RPTOR: variants seen among roughly 807,000 people sequenced by gnomAD.
The protein encoded by RPTOR is regulatory associated protein of MTOR complex 1, also known as regulatory-associated protein of mTOR.
A neutral mutation model predicts 169.9 loss-of-function variants in RPTOR; 21 were observed. The ratio of observed to expected loss-of-function variants is 0.12; its 90% CI spans 0.09 to 0.18. The LOEUF (loss-of-function observed/expected upper bound fraction) is 0.18, where lower values mean the gene tolerates loss of function less well. RPTOR is among the 10% of genes least tolerant of loss of function. The pLI is 1.00. For missense variants in RPTOR, 1,133 were observed against 1,855.9 expected (o/e 0.61, Z 7.16); for synonymous variants, 732 against 753.2 (o/e 0.97, Z 0.46).
intron 21 of RPTOR, chr17:80,909,718 C>T (rs1213371245): frequency 1.3e-5 from 2 of 152,036 alleles, no homozygotes; most frequent in Non-Finnish European, 2.9e-5. Context: ...CAAAACCCTT[C>T]TAGTTAATGG....
intron 3 of RPTOR, among the ~76,000 whole-genome samples, chr17:80,682,692 A>G (rs1411379491): frequency 2.0e-5 from 3 of 152,242 alleles, no homozygotes; most frequent in Non-Finnish European, 2.9e-5. Flanking sequence ...ACTTGAGTCT[A>G]TAGAGTTTGA....
intron 5 of RPTOR, among the ~76,000 whole-genome samples, chr17:80,738,984 C>CTT (rs57369680): frequency 4.6e-5 from 7 of 151,932 alleles, no homozygotes; most frequent in South Asian, 2.1e-4. Context: ...AGAGTTTAAC[C>CTT]TTTTTTTTGT....
Position 80,960,351 on chromosome 17 carries a change from A to T in RPTOR, c.3605+146A>T. ...GAGCCTGCAGTGGCGTATTTAGGCCAGTCCTGGGCTCCCCAAAGCCGCCAG... is the reference window on the plus strand; with the variant it reads ...GAGCCTGCAGTGGCGTATTTAGGCCTGTCCTGGGCTCCCCAAAGCCGCCAG... On this transcript the variant is annotated intron_variant, in intron 30 of 33. Coordinates refer to ENST00000306801, the MANE Select transcript of RPTOR (RefSeq NM_020761.3). The surrounding 1 kb of genome is among the most constrained non-coding windows in gnomAD (Gnocchi z 4.8). The T allele has an allele frequency of 1.8e-6, 2 of 1,139,436 alleles. No homozygotes were observed. The highest frequency in any genetic ancestry group is 1.2e-6 in the Non-Finnish European group (1 of 810,232). 70.6% of individuals were successfully genotyped at this position (1,139,436 alleles called of 1,614,324 possible). A position where few individuals can be genotyped will look rare whatever the true frequency, so the allele number is the denominator to read the frequency against.
chr17:80,806,465 C>T (rs892555823), intron 7 of RPTOR, among the ~76,000 whole-genome samples: 10 of 152,194 alleles, frequency 6.6e-5, no homozygotes, highest in South Asian at 2.1e-4. Flanking sequence ...GGACAGGGTA[C>T]GAACCTGTGA....
intron 12 of RPTOR, among the ~76,000 whole-genome samples, chr17:80,857,462 T>A (rs1212337147): frequency 6.6e-6 from 1 of 152,178 alleles, no homozygotes; most frequent in Non-Finnish European, 1.5e-5. Context: ...CCTGATGCTC[T>A]GCTGCCAAGA....
rs768146253 is a variant in RPTOR at position 80,844,162 on chromosome 17, G to A, written c.1213-2311G>A. Among the ~76,000 whole-genome samples the A allele has an allele frequency of 2.6e-5, 4 of 152,206 alleles. No homozygotes were observed. Among genetic ancestry groups the A allele is most frequent in the Non-Finnish European group, 4.4e-5 (3 of 68,042 alleles). On this transcript the variant is annotated intron_variant, in intron 10 of 33. Coordinates refer to ENST00000306801, the MANE Select transcript of RPTOR (RefSeq NM_020761.3). The surrounding 1 kb of genome is among the most constrained non-coding windows in gnomAD (Gnocchi z 4.7). ...ACGGGCCGCTCTCGAGATGTTTTCC[G>A]GAATATCATATAAAGTGTTGGCCAC... is the stretch of plus-strand genomic sequence containing the variant.
chr17:80,654,910 T>C (rs138797302), intron 3 of RPTOR, among the ~76,000 whole-genome samples: 1 of 152,294 alleles, frequency 6.6e-6, no homozygotes, highest in East Asian at 1.9e-4. Context: ...TAAATGACCA[T>C]AATTGACCTC....
intron 6 of RPTOR, among the ~76,000 whole-genome samples, chr17:80,762,226 G>A (rs955452786): frequency 6.6e-6 from 1 of 152,224 alleles, no homozygotes; most frequent in Non-Finnish European, 1.5e-5. Flanking sequence ...CAGATGGAGG[G>A]GCACGGGCTG....
intron 5 of RPTOR, among the ~76,000 whole-genome samples, chr17:80,738,659 CAT>C (rs1434331249): frequency 6.6e-6 from 1 of 152,224 alleles, no homozygotes; most frequent in Non-Finnish European, 1.5e-5. Context: ...CCTTGACAAT[CAT>C]GTGTTGTCTT....
At chr17:80,946,406 T>C (rs2069104295) in intron 26 of RPTOR, among the ~76,000 whole-genome samples, 1 of 152,252 alleles carries the variant, frequency 6.6e-6, no homozygotes, top group Admixed American at 6.5e-5. Context: ...CACATTGTTA[T>C]GCAACCATCA....
At chr17:80,865,508 TCAGA>T (rs1299037764) in intron 13 of RPTOR, among the ~76,000 whole-genome samples, 1 of 152,094 alleles carries the variant, frequency 6.6e-6, no homozygotes, top group East Asian at 1.9e-4. Flanking sequence ...TATGTTAATA[TCAGA>T]CAGAGGAGGT....
chr17:80,573,261 T>C (rs1488321503), intron 1 of RPTOR, among the ~76,000 whole-genome samples: 2 of 152,228 alleles, frequency 1.3e-5, no homozygotes, highest in African/African-American at 4.8e-5. Flanking sequence ...GTTCTTCATA[T>C]AGGTTTAACA....
At chr17:80,855,644 A>C (rs1179702137) in intron 12 of RPTOR, 97 bp downstream of exon 12, 54 of 969,140 alleles carry the variant, frequency 5.6e-5, no homozygotes, top group Admixed American at 1.8e-5. Flanking sequence ...ATCCAGAGCC[A>C]CCCCCAGCCG....
intron 3 of RPTOR, among the ~76,000 whole-genome samples, chr17:80,690,871 T>G (rs2065985546): frequency 6.6e-6 from 1 of 152,238 alleles, no homozygotes; most frequent in Admixed American, 6.5e-5. Flanking sequence ...CATGGCTCAC[T>G]GGAGCCTCAA....
intron 27 of RPTOR, among the ~76,000 whole-genome samples, chr17:80,949,061 G>A (rs959762911): frequency 9.9e-5 from 15 of 152,106 alleles, no homozygotes; most frequent in South Asian, 6.2e-4. Flanking sequence ...AGGGTAAAAC[G>A]CAGCCCCACC....
intron 25 of RPTOR, among the ~76,000 whole-genome samples, chr17:80,944,731 C>G (rs867620683): frequency 6.6e-6 from 1 of 152,350 alleles, no homozygotes; most frequent in Admixed American, 6.5e-5. Flanking sequence ...TGGCTCACTT[C>G]TGTAATCCCA....
chr17:80,913,906 C>G (rs1029119097), intron 21 of RPTOR, among the ~76,000 whole-genome samples: 1 of 152,190 alleles, frequency 6.6e-6, no homozygotes, highest in African/African-American at 2.4e-5. Flanking sequence ...CAGGTGGTCA[C>G]CTGTCAGGGC....
chr17:80,607,027 C>A (rs369839334), intron 1 of RPTOR, among the ~76,000 whole-genome samples: 1 of 152,156 alleles, frequency 6.6e-6, no homozygotes, highest in Non-Finnish European at 1.5e-5. Flanking sequence ...CATGAAGGCG[C>A]CCACACATTA....
intron 9 of RPTOR, among the ~76,000 whole-genome samples, chr17:80,837,497 G>A (rs562828708): frequency 7.9e-5 from 12 of 152,320 alleles, no homozygotes; most frequent in African/African-American, 1.2e-4. Flanking sequence ...TCTCTCCCGC[G>A]TCCCTCCAGG....
Sources: allele counts gnomAD v4.1 joint callset (sites outside exome capture counted in the v4.1 genomes callset), GRCh38; gene constraint gnomAD v4.1.1; non-coding constraint Gnocchi (gnomAD v3.1); transcripts MANE v1.5; gene names NCBI Gene and HGNC (gene_info 2026-07-23, HGNC 2026-07-21).